The following CMSS1 variants were observed in gnomAD, a reference collection of about 807,000 sequenced individuals.
CMSS1 encodes protein CMSS1.
A neutral mutation model predicts 43.5 loss-of-function variants in CMSS1; 33 were observed. The ratio of observed to expected loss-of-function variants is 0.76; its 90% CI spans 0.57 to 1.01. The LOEUF is 1.01. Among genes scored for constraint, CMSS1 ranks in the 50% least tolerant of loss-of-function variants. The probability of loss-of-function intolerance (pLI) is 0.00; values close to 1 mark genes in which losing one functional copy is unlikely to be tolerated. For synonymous variants in CMSS1, 115 were observed against 117.2 expected (o/e 0.98, Z 0.12); for missense variants, 313 against 326.4 (o/e 0.96, Z 0.32).
intron 1 of CMSS1, among the ~76,000 whole-genome samples, chr3:99,993,873 T>G (rs1461544585): frequency 6.6e-6 from 1 of 152,194 alleles, no homozygotes; most frequent in Admixed American, 6.5e-5. Flanking sequence ...TGATTTTATT[T>G]ACTAGTATTT....
At chr3:100,027,090 C>A (rs886608933) in intron 1 of CMSS1, among the ~76,000 whole-genome samples, 1 of 152,128 alleles carries the variant, frequency 6.6e-6, no homozygotes, top group African/African-American at 2.4e-5. Flanking sequence ...ATGTCATCTT[C>A]TCAGTGAAAC....
chr3:99,989,863 G>A (rs141865529), intron 1 of CMSS1, among the ~76,000 whole-genome samples: 260 of 152,124 alleles, frequency 1.7e-3, no homozygotes, highest in Middle Eastern at 6.8e-3. Flanking sequence ...ATTACTGTAT[G>A]TAGTCAATGT....
At chr3:99,994,717 G>A (rs1032515563) in intron 1 of CMSS1, among the ~76,000 whole-genome samples, 1 of 152,152 alleles carries the variant, frequency 6.6e-6, no homozygotes, top group Non-Finnish European at 1.5e-5. Flanking sequence ...CCACGTGGCT[G>A]GGGAGGCCTC....
chr3:100,001,619 C>T (rs1025115853), intron 1 of CMSS1, among the ~76,000 whole-genome samples: 2 of 152,118 alleles, frequency 1.3e-5, no homozygotes, highest in Non-Finnish European at 2.9e-5. Context: ...GAGACATGTT[C>T]CATCTAGTTG....
chr3:100,026,321 C>T (rs2064920475), intron 1 of CMSS1, among the ~76,000 whole-genome samples: 1 of 152,060 alleles, frequency 6.6e-6, no homozygotes, highest in Non-Finnish European at 1.5e-5. Context: ...GGATCCTAAA[C>T]TCAAGCTGTC....
At chr3:99,932,518 A>C (rs184692478) in intron 1 of CMSS1, among the ~76,000 whole-genome samples, 299 of 152,230 alleles carry the variant, frequency 2.0e-3, no homozygotes, top group African/African-American at 6.7e-3. Context: ...ATGCTACTTC[A>C]AACATTCTTG....
intron 1 of CMSS1, chr3:100,040,042 C>G (rs970438003): frequency 6.6e-6 from 1 of 152,108 alleles, no homozygotes; most frequent in African/African-American, 2.4e-5. Flanking sequence ...CATGAGCCAC[C>G]GTGCCTGGCC....
chr3:100,143,183 G>A (rs2066818713), intron 1 of CMSS1, among the ~76,000 whole-genome samples: 1 of 152,062 alleles, frequency 6.6e-6, no homozygotes, highest in South Asian at 2.1e-4. Flanking sequence ...AGATTTCTTG[G>A]GATTTTTTAT....
At chr3:100,054,988 T>A (rs2107327267) in intron 1 of CMSS1, among the ~76,000 whole-genome samples, 1 of 152,206 alleles carries the variant, frequency 6.6e-6, no homozygotes, top group East Asian at 1.9e-4. Flanking sequence ...GAGCCTCTTT[T>A]GGGCCTTCTT....
chr3:100,023,908 A>G (rs1481124751), intron 1 of CMSS1, among the ~76,000 whole-genome samples: 2 of 152,190 alleles, frequency 1.3e-5, no homozygotes, highest in Non-Finnish European at 2.9e-5. Context: ...AAAACTGGGG[A>G]GAGAGGAGTA....
intron 1 of CMSS1, among the ~76,000 whole-genome samples, chr3:99,841,687 A>G (rs1343660101): frequency 6.6e-6 from 1 of 152,240 alleles, no homozygotes; most frequent in East Asian, 1.9e-4. Context: ...TGAATAGACA[A>G]TTCTCAAAAG....
chr3:100,053,469 GT>G (rs2065407771), intron 1 of CMSS1, among the ~76,000 whole-genome samples: 1 of 152,156 alleles, frequency 6.6e-6, no homozygotes, highest in East Asian at 1.9e-4. Flanking sequence ...CCCTCGTTGT[GT>G]CTGTATCCAA....
chr3:99,961,013 A>T (rs749302480), intron 1 of CMSS1, among the ~76,000 whole-genome samples: 1 of 152,092 alleles, frequency 6.6e-6, no homozygotes, highest in Non-Finnish European at 1.5e-5. Flanking sequence ...CGCAGGTTTT[A>T]TCAGGAACAT....
At chr3:100,131,894 G>A (rs1342854646) in intron 1 of CMSS1, among the ~76,000 whole-genome samples, 1 of 152,140 alleles carries the variant, frequency 6.6e-6, no homozygotes. Context: ...AGGTAACAGA[G>A]TTAGAGCCCC....
At chr3:99,958,215 T>G (rs1708392033) in intron 1 of CMSS1, among the ~76,000 whole-genome samples, 1 of 135,970 alleles carries the variant, frequency 7.4e-6, no homozygotes, top group South Asian at 2.2e-4. Context: ...TTATTATTAT[T>G]ATTATTATTA....
intron 1 of CMSS1, among the ~76,000 whole-genome samples, chr3:99,839,019 T>C (rs1943016835): frequency 6.6e-6 from 1 of 152,160 alleles, no homozygotes; most frequent in African/African-American, 2.4e-5. Context: ...TCCTTGAATG[T>C]TGATTATCTG....
At chr3:100,105,261 G>A (rs1039481994) in intron 1 of CMSS1, among the ~76,000 whole-genome samples, 1 of 152,102 alleles carries the variant, frequency 6.6e-6, no homozygotes, top group African/African-American at 2.4e-5. Flanking sequence ...TATAATTGAA[G>A]CTGACCATTA....
intron 1 of CMSS1, among the ~76,000 whole-genome samples, chr3:99,845,429 C>T (rs1228631950): frequency 1.3e-5 from 2 of 152,028 alleles, no homozygotes; most frequent in African/African-American, 2.4e-5. Context: ...TTCAGAGAGA[C>T]GAAAAAACAG....
At chr3:100,147,145 A>G in intron 2 of CMSS1, 84 bp downstream of exon 2, 1 of 1,427,684 alleles carries the variant, frequency 7.0e-7, no homozygotes, top group Admixed American at 2.1e-5. Context: ...CCCATGTCCT[A>G]ATATCGGTTG....
Sources: gnomAD v4.1 joint callset for allele counts (sites outside exome capture counted in the v4.1 genomes callset) on GRCh38, gnomAD v4.1.1 for gene constraint, MANE v1.5 for transcripts, NCBI Gene and HGNC (gene_info 2026-07-23, HGNC 2026-07-21) for gene names.